The following DENND2B variants were observed in gnomAD, a reference collection of about 807,000 sequenced individuals.
DENND2B encodes DENN domain containing 2B, also known as DENN domain-containing protein 2B.
In DENND2B, 32 loss-of-function variants were observed where a neutral mutation model predicts 116.0. That is an observed-to-expected ratio of 0.28 (90% CI 0.21 to 0.37). The LOEUF is 0.37. Among genes scored for constraint, DENND2B ranks in the 10% least tolerant of loss-of-function variants. The pLI is 1.00. For synonymous variants in DENND2B, 588 were observed against 583.9 expected (o/e 1.01, Z -0.10); for missense variants, 1,276 against 1,477.7 (o/e 0.86, Z 2.24).
chr11:8,890,001 C>A (rs12222805), intron 1 of DENND2B, among the ~76,000 whole-genome samples: 2 of 151,962 alleles, frequency 1.3e-5, no homozygotes, highest in Non-Finnish European at 2.9e-5. Context: ...CCAGTAGGGG[C>A]GGACTGACAC....
Position 8,746,115 on chromosome 11 carries a change from TCCTAAGGGGGGCCTGCCAC to T in DENND2B, c.80+4487_80+4505del, listed in dbSNP as rs1369938086. Among the ~76,000 whole-genome samples the T allele has an allele frequency of 3.4e-5, 3 of 87,468 alleles. No individual in the cohort carries two copies. In the East Asian group the frequency reaches 1.2e-3, roughly 36 times the overall value. The allele number at this position is 87,468 out of a possible 152,430, so 57.4% of individuals were successfully genotyped here. A position where few individuals can be genotyped will look rare whatever the true frequency, so the allele number is the denominator to read the frequency against. On this transcript the variant is annotated intron_variant, in intron 2 of 19. Transcript: ENST00000313726. ...TAACAGGGGCTGAGGCCACAGGGCC[TCCTAAGGGGGGCCTGCCAC>T]GGCCAGGACAGGCCCTGCAGCACTA...
chr11:8,727,015 C>G (rs1163195356), intron 3 of DENND2B, among the ~76,000 whole-genome samples: 1 of 152,174 alleles, frequency 6.6e-6, no homozygotes, highest in African/African-American at 2.4e-5. Flanking sequence ...ATTTCAAGAC[C>G]ACAGCTTGTT....
chr11:8,730,133 G>C lies in DENND2B; in HGVS notation c.1157C>G (p.Pro386Arg). 1.9e-6 allele frequency: 3 copies of C among 1,614,232 alleles called. No homozygotes were observed. Among genetic ancestry groups the C allele is most frequent in the Non-Finnish European group, 2.5e-6 (3 of 1,180,032 alleles). Residue 386 changes from proline to arginine, a missense_variant, in exon 3 of 20, where the codon CCT becomes CGT. This residue lies in a region of DENND2B where 856 missense variants were observed against 846.6 expected (regional missense o/e 1.01). Transcript: ENST00000313726. The surrounding 1 kb of genome is among the most constrained non-coding windows in gnomAD (Gnocchi z 4.1). Reference protein sequence around the residue: ...SKSSLDPAVNPVPKPKRTFEY... With the variant: ...SKSSLDPAVNRVPKPKRTFEY... ...AAAGGTGCGCTTGGGTTTGGGGACAGGGTTCACAGCGGGATCGAGGGAACT... is the reference window on the plus strand; with the variant it reads ...AAAGGTGCGCTTGGGTTTGGGGACACGGTTCACAGCGGGATCGAGGGAACT...
At chr11:8,900,933 C>A (rs574973140) in intron 1 of DENND2B, among the ~76,000 whole-genome samples, 1 of 152,014 alleles carries the variant, frequency 6.6e-6, no homozygotes, top group East Asian at 2.0e-4. Context: ...CATGCCATTG[C>A]ACTCCAGCCT....
intron 4 of DENND2B, chr11:8,718,893 C>G (rs954407559): frequency 1.0e-6 from 1 of 993,144 alleles, no homozygotes; most frequent in Non-Finnish European, 1.2e-6. Context: ...CACCATGGGC[C>G]GGGTCAGTCC....
At chr11:8,721,955 C>T (rs146634210) in intron 4 of DENND2B, among the ~76,000 whole-genome samples, 49 of 152,356 alleles carry the variant, frequency 3.2e-4, no homozygotes, top group African/African-American at 1.1e-3. Flanking sequence ...GCCGAGGCCA[C>T]TCCACATAAT....
At chr11:8,734,791 C>CAAAA (rs11339783) in intron 2 of DENND2B, among the ~76,000 whole-genome samples, 9 of 98,488 alleles carry the variant, frequency 9.1e-5, no homozygotes, top group South Asian at 3.7e-4. Flanking sequence ...ACAAGAGTCT[C>CAAAA]AAAAAAAAAA....
intron 4 of DENND2B, among the ~76,000 whole-genome samples, chr11:8,839,071 A>C (rs2062532664): frequency 6.6e-6 from 1 of 152,280 alleles, no homozygotes; most frequent in Admixed American, 6.5e-5. Context: ...AAAAGGAGGA[A>C]GAGAGAAAGA....
chr11:8,695,822 G>GGA (rs2040254771), intron 18 of DENND2B: 1 of 493,948 alleles, frequency 2.0e-6, no homozygotes, highest in East Asian at 3.6e-5. Context: ...GTTCAGAGCT[G>GGA]CCCCAAGTGG....
chr11:8,772,397 G>A (rs540866686), intron 1 of DENND2B, among the ~76,000 whole-genome samples: 1 of 152,174 alleles, frequency 6.6e-6, no homozygotes, highest in Admixed American at 6.5e-5. Context: ...ATTAGCATCT[G>A]AAGTGGGGAC....
In DENND2B at chr11:8,797,079, T is replaced by C. The variant is rs536613869; in HGVS notation, c.-26+13438A>G. Among the ~76,000 whole-genome samples the C allele has an allele frequency of 2.6e-5, 4 of 152,244 alleles. No individual in the cohort carries two copies. In the South Asian group the frequency reaches 8.3e-4, roughly 32 times the overall value. ...GCTGCATTTGATATACCAACCAGAG[T>C]GGAAGTGTGGCAAGAACACATGCTT... On this transcript the variant is annotated intron_variant, in intron 1 of 19. Coordinates refer to ENST00000313726, the MANE Select transcript of DENND2B (RefSeq NM_213618.2).
intron 1 of DENND2B, among the ~76,000 whole-genome samples, chr11:8,754,360 C>T (rs968103171): frequency 1.3e-5 from 2 of 152,092 alleles, no homozygotes; most frequent in East Asian, 3.8e-4. Flanking sequence ...CAAATCAAAA[C>T]CACATGAGAT....
chr11:8,749,099 T>C (rs1250471019), intron 2 of DENND2B, among the ~76,000 whole-genome samples: 1 of 152,200 alleles, frequency 6.6e-6, no homozygotes, highest in African/African-American at 2.4e-5. Context: ...ACTGGAACCT[T>C]AGTTTTCAGC....
intron 3 of DENND2B, among the ~76,000 whole-genome samples, chr11:8,847,363 GC>G (rs1228419226): frequency 6.6e-6 from 1 of 152,084 alleles, no homozygotes; most frequent in Non-Finnish European, 1.5e-5. Context: ...AATTACACTC[GC>G]CATTACAAAA....
In DENND2B at chr11:8,910,709, A is replaced by AGTAGTGTGTGT. The variant is rs1555224247; in HGVS notation, c.-256+111_-256+112insACACACACTAC. ...TGGTACCCCATAACCACTCCTGGCTAGTGTGTGTGTGTGTGTGTGTGTGTG... is the reference window on the plus strand; with the variant it reads ...TGGTACCCCATAACCACTCCTGGCTAGTAGTGTGTGTGTGTGTGTGTGTGTGTGTGTGTGTG... On this transcript the variant is annotated intron_variant, in intron 1 of 22. Coordinates refer to the DENND2B transcript ENST00000534127. 2.3e-4 allele frequency: 17 copies of AGTAGTGTGTGT among 72,356 alleles called. 1 individual carries two copies. The highest frequency in any genetic ancestry group is 4.4e-4 in the Non-Finnish European group (16 of 36,160). 4.5% of individuals were successfully genotyped at this position (72,356 alleles called of 1,614,324 possible). A position where few individuals can be genotyped will look rare whatever the true frequency, so the allele number is the denominator to read the frequency against.
intron 1 of DENND2B, among the ~76,000 whole-genome samples, chr11:8,804,890 A>G (rs2060707857): frequency 6.6e-6 from 1 of 152,162 alleles, no homozygotes; most frequent in African/African-American, 2.4e-5. Context: ...CAGCGTAGTA[A>G]CATCAACCTG....
At chr11:8,801,044 A>G (rs2060264428) in intron 1 of DENND2B, among the ~76,000 whole-genome samples, 1 of 149,880 alleles carries the variant, frequency 6.7e-6, no homozygotes, top group Admixed American at 6.7e-5. Context: ...CCACTTCACT[A>G]TCTAGAGCCG....
rs1188499297 is a variant in DENND2B, at chr11:8,877,236, T to G, written c.-156+3774A>C. On this transcript the variant is annotated intron_variant, in intron 2 of 22. Coordinates refer to the DENND2B transcript ENST00000534127. The stretch of plus-strand genomic sequence containing the variant: ...CTCCTGCCTTAGCCTCCCGAGTAGC[T>G]GGGACTACAGGTGCCCACCACCATG... Among the ~76,000 whole-genome samples the G allele has an allele frequency of 2.6e-5, 4 of 151,130 alleles. No individual in the cohort carries two copies. In the East Asian group the frequency reaches 7.9e-4, roughly 30 times the overall value.
In DENND2B at chr11:8,708,078, G is replaced by C. The variant is rs7935091; in HGVS notation, c.2353-224C>G. The stretch of plus-strand genomic sequence containing the variant: ...AGGGTCTCCCAGCACCAGGTACCAG[G>C]CTCCTGCCAGGCTCCACACAGGCTC... On this transcript the variant is annotated intron_variant, in intron 11 of 19. Transcript: ENST00000313726. 5.4e-3 allele frequency: 7,926 copies of C among 1,464,596 alleles called. 339 individuals are homozygous for C. The African/African-American group carries it at 0.098, about 18-fold the overall frequency. 90.7% of individuals were successfully genotyped at this position (1,464,596 alleles called of 1,614,324 possible). A position where few individuals can be genotyped will look rare whatever the true frequency, so the allele number is the denominator to read the frequency against.
Sources: gnomAD v4.1 joint callset for allele counts (sites outside exome capture counted in the v4.1 genomes callset) on GRCh38, gnomAD v4.1.1 for gene constraint, gnomAD v4.1.1 regional missense constraint, Gnocchi (gnomAD v3.1) non-coding constraint, MANE v1.5 for transcripts, NCBI Gene and HGNC (gene_info 2026-07-23, HGNC 2026-07-21) for gene names.